RAB11FIP2: variants seen among roughly 807,000 people sequenced by gnomAD.
RAB11FIP2 encodes the protein RAB11 family interacting protein 2, also known as rab11 family-interacting protein 2.
Under a neutral mutation model 40.9 loss-of-function variants are expected in RAB11FIP2, and 16 were observed. The observed-to-expected ratio is 0.39, with a 90% confidence interval of 0.26 to 0.59. RAB11FIP2 has a LOEUF of 0.59. RAB11FIP2 is among the 20% of genes least tolerant of loss of function. The pLI is 0.53. For missense variants in RAB11FIP2, 532 were observed against 606.2 expected (o/e 0.88, Z 1.28); for synonymous variants, 228 against 213.7 (o/e 1.07, Z -0.58).
intron 4 of RAB11FIP2, 34 bp from the exon 5 acceptor site, chr10:118,009,259 T>C (rs760990794): frequency 1.3e-6 from 2 of 1,535,872 alleles, no homozygotes; most frequent in Admixed American, 1.8e-5. Flanking sequence ...CTTTCATAGA[T>C]ATAACATCTG....
chr10:118,027,570 A>C (rs191665038), intron 3 of RAB11FIP2, among the ~76,000 whole-genome samples: 1 of 152,314 alleles, frequency 6.6e-6, no homozygotes, highest in East Asian at 1.9e-4. Context: ...CAGGCTCTGT[A>C]ACAAAGAGTT....
At chr10:118,019,393 T>C (rs974623255) in intron 3 of RAB11FIP2, among the ~76,000 whole-genome samples, 2 of 151,756 alleles carry the variant, frequency 1.3e-5, no homozygotes, top group Non-Finnish European at 2.9e-5. Context: ...AAGACAGGAG[T>C]AACTTTCTCA....
intron 3 of RAB11FIP2, among the ~76,000 whole-genome samples, chr10:118,031,871 T>TG (rs1056823475): frequency 6.6e-6 from 1 of 152,052 alleles, no homozygotes; most frequent in Admixed American, 6.6e-5. Flanking sequence ...CAGAAAATAA[T>TG]GGAGTGAAAG....
intron 3 of RAB11FIP2, among the ~76,000 whole-genome samples, chr10:118,034,687 T>A (rs77583025): frequency 0.01 from 1,553 of 152,270 alleles, 21 homozygotes; most frequent in African/African-American, 0.035. Context: ...CTAAACAACC[T>A]GTGACTTACA....
At chr10:118,029,311 C>T (rs1376610392) in intron 3 of RAB11FIP2, among the ~76,000 whole-genome samples, 2 of 152,036 alleles carry the variant, frequency 1.3e-5, no homozygotes, top group African/African-American at 2.4e-5. Flanking sequence ...CTCCTCACTG[C>T]CAAATGACCT....
At position 118,040,132 on chromosome 10, in the gene RAB11FIP2, G is replaced by T. The variant is rs369717056; in HGVS notation, c.787C>A (p.Pro263Thr). The T allele has an allele frequency of 6.2e-7, 1 of 1,612,758 alleles. No homozygotes were observed. Among genetic ancestry groups the T allele is most frequent in the African/African-American group, 1.3e-5 (1 of 74,804 alleles). ...GHQLDSFGTV[P>T]ESGSLKSPHR... ...AGAATGTGACACTTACCACTTTCTG[G>T]AACTGTTCCAAAGGAATCTAACTGG... The change falls in exon 2 of 5, where the codon CCA (proline) becomes ACA (threonine). Residue 263 changes from proline to threonine, a missense_variant. Coordinates refer to ENST00000355624, the MANE Select transcript of RAB11FIP2 (RefSeq NM_014904.3).
intron 1 of RAB11FIP2, among the ~76,000 whole-genome samples, chr10:118,041,319 C>T (rs773906706): frequency 2.0e-5 from 3 of 151,564 alleles, no homozygotes; most frequent in Non-Finnish European, 2.9e-5. Flanking sequence ...GCTACTGTGA[C>T]AATACCAAAT....
Position 118,006,769 on chromosome 10 carries a change from C to T in RAB11FIP2, c.*2229G>A, listed in dbSNP as rs988875870. On this transcript the variant is annotated 3_prime_UTR_variant, in exon 5 of 5. Coordinates refer to ENST00000355624, the MANE Select transcript of RAB11FIP2 (RefSeq NM_014904.3). ...AATAGATCTAGTTTTAAATATAATACTTGTCTCAGATTTAAAGATAAAAAT... is the reference window on the plus strand; with the variant it reads ...AATAGATCTAGTTTTAAATATAATATTTGTCTCAGATTTAAAGATAAAAAT... 2.0e-5 allele frequency: 3 copies of T among 152,088 alleles called. No individual in the cohort carries two copies. Among genetic ancestry groups the T allele is most frequent in the African/African-American group, 7.2e-5 (3 of 41,528 alleles). 9.4% of individuals were successfully genotyped at this position (152,088 alleles called of 1,614,324 possible).
In RAB11FIP2 at chr10:118,009,131, C is replaced by T. The variant is rs1846128158; in HGVS notation, c.1406G>A (p.Arg469Lys). Reference sequence around the variant, plus strand: ...GAGTTCCCGGATGTGGGTGTCTTTCCTCCTAAGGAGTTCTTTGTGTTTCAC... The same window carrying T: ...GAGTTCCCGGATGTGGGTGTCTTTCTTCCTAAGGAGTTCTTTGTGTTTCAC... ...ELVKHKELLR[R>K]KDTHIRELED... The change falls in exon 5 of 5, where the codon AGG (arginine) becomes AAG (lysine). Residue 469 changes from arginine (R) to lysine (K), a missense_variant. Transcript: ENST00000355624. 2 of 1,613,596 alleles carry T rather than the reference C, an allele frequency of 1.2e-6. No individual in the cohort carries two copies. The highest frequency in any genetic ancestry group is 1.3e-5 in the African/African-American group (1 of 75,014).
intron 3 of RAB11FIP2, 45 bp from the exon 4 acceptor site, chr10:118,015,155 G>A: frequency 6.6e-7 from 1 of 1,514,290 alleles, no homozygotes; most frequent in Non-Finnish European, 9.1e-7. Context: ...AACTCATGTG[G>A]GAGGAAACAT....
chr10:118,016,940 TAAATA>T (rs1398761203), intron 3 of RAB11FIP2, among the ~76,000 whole-genome samples: 1 of 152,256 alleles, frequency 6.6e-6, no homozygotes, highest in Non-Finnish European at 1.5e-5. Context: ...CATTATTTCA[TAAATA>T]AAATAATGAA....
rs1424172794 is a variant in RAB11FIP2, at chr10:118,046,156, A to G, written c.8T>C (p.Leu3Pro). The change falls in exon 1 of 5, where the codon CTG becomes CCG. Residue 3 changes from leucine (L) to proline (P), a missense_variant. Transcript: ENST00000355624. Reference protein sequence around the residue: MMLSEQAQKWFPT... With the variant: MMPSEQAQKWFPT... The stretch of plus-strand genomic sequence containing the variant: ...AAACCACTTTTGGGCTTGCTCGGAC[A>G]GCATCATCCTGTCCTGTTTCTCTGC... 1 of 1,613,528 alleles carries G rather than the reference A, an allele frequency of 6.2e-7. No homozygotes were observed.
chr10:118,013,992 A>G (rs957584700), intron 4 of RAB11FIP2, among the ~76,000 whole-genome samples: 2 of 152,050 alleles, frequency 1.3e-5, no homozygotes, highest in African/African-American at 4.8e-5. Context: ...ATTTTCTCAC[A>G]TTTCTCGCCA....
At chr10:118,031,797 C>A (rs921438466) in intron 3 of RAB11FIP2, among the ~76,000 whole-genome samples, 1 of 151,976 alleles carries the variant, frequency 6.6e-6, no homozygotes, top group South Asian at 2.1e-4. Flanking sequence ...ACAGAACATA[C>A]CATTTAGTTA....
intron 4 of RAB11FIP2, among the ~76,000 whole-genome samples, 160 bp downstream of exon 4, chr10:118,014,905 T>C (rs1393598712): frequency 6.6e-6 from 1 of 152,216 alleles, no homozygotes; most frequent in Non-Finnish European, 1.5e-5. Flanking sequence ...GCAAAGATTG[T>C]ATTTTACTTT....
intron 3 of RAB11FIP2, among the ~76,000 whole-genome samples, chr10:118,028,489 T>A (rs1323686775): frequency 3.3e-5 from 5 of 152,096 alleles, no homozygotes; most frequent in Admixed American, 3.3e-4. Context: ...TTAATTTGTA[T>A]CACCAGCAGC....
rs1846099012 is a variant in RAB11FIP2 at position 118,007,132 on chromosome 10, G to C, written c.*1866C>G. The C allele has an allele frequency of 6.8e-6, 1 of 147,904 alleles. No individual in the cohort carries two copies. The allele number at this position is 147,904 out of a possible 1,614,324, so 9.2% of individuals were successfully genotyped here. A position where few individuals can be genotyped will look rare whatever the true frequency, so the allele number is the denominator to read the frequency against. On this transcript the variant is annotated 3_prime_UTR_variant, in exon 5 of 5. Transcript: ENST00000355624. The stretch of plus-strand genomic sequence containing the variant: ...GACAAAAACAAATGCTGAGAATTTT[G>C]TAACATTTAGTTAATTAAAAGTGGC...
chr10:118,017,936 C>G (rs1846240532), intron 3 of RAB11FIP2: 1 of 152,182 alleles, frequency 6.6e-6, no homozygotes, highest in Admixed American at 6.5e-5. Context: ...AAATGCAACT[C>G]AATGGCTGCT....
intron 3 of RAB11FIP2, among the ~76,000 whole-genome samples, chr10:118,033,117 G>A (rs997702719): frequency 2.8e-4 from 42 of 152,212 alleles, no homozygotes; most frequent in African/African-American, 9.9e-4. Context: ...AACTGTGCCT[G>A]GTTTCAGGAA....
Sources: allele counts gnomAD v4.1 joint callset (sites outside exome capture counted in the v4.1 genomes callset), GRCh38; gene constraint gnomAD v4.1.1; transcripts MANE v1.5; gene names NCBI Gene and HGNC (gene_info 2026-07-23, HGNC 2026-07-21).